Variants in KIAA1217 observed in about 807,000 individuals in gnomAD.
KIAA1217 encodes the protein sickle tail protein homolog.
A neutral mutation model predicts 163.9 loss-of-function variants in KIAA1217; 88 were observed. That is an observed-to-expected ratio of 0.54 (90% CI 0.45 to 0.64). The LOEUF (loss-of-function observed/expected upper bound fraction) is 0.64. Among genes scored for constraint, KIAA1217 ranks in the 30% least tolerant of loss-of-function variants. KIAA1217 has a pLI of 0.00. For missense variants in KIAA1217, 2,372 were observed against 2,475.0 expected (o/e 0.96, Z 0.88); for synonymous variants, 903 against 923.1 (o/e 0.98, Z 0.39).
intron 2 of KIAA1217, among the ~76,000 whole-genome samples, chr10:24,256,434 C>A (rs1401518879): frequency 6.6e-6 from 1 of 152,186 alleles, no homozygotes; most frequent in Non-Finnish European, 1.5e-5. Context: ...GCATGAAAAT[C>A]CCTGGCCCTG....
At chr10:24,538,100 A>G (rs185556635) in intron 17 of KIAA1217, among the ~76,000 whole-genome samples, 1 of 152,352 alleles carries the variant, frequency 6.6e-6, no homozygotes, top group Non-Finnish European at 1.5e-5. Context: ...AATAGCTACT[A>G]CAGATGGGTA....
intron 2 of KIAA1217, among the ~76,000 whole-genome samples, chr10:24,296,723 A>G (rs1414107646): frequency 6.6e-6 from 1 of 152,164 alleles, no homozygotes; most frequent in Non-Finnish European, 1.5e-5. Flanking sequence ...CACCTTTGAT[A>G]GTTTTTCTTT....
intron 2 of KIAA1217, chr10:24,368,720 C>T (rs1447925704): frequency 8.0e-6 from 2 of 248,820 alleles, no homozygotes; most frequent in Non-Finnish European, 1.3e-5. Context: ...ATGGTGGATC[C>T]ATTAAAGGTT....
At chr10:24,098,215 C>T (rs1164129549) in intron 2 of KIAA1217, among the ~76,000 whole-genome samples, 1 of 151,884 alleles carries the variant, frequency 6.6e-6, no homozygotes, top group Non-Finnish European at 1.5e-5. Context: ...GTGTGGGACA[C>T]GAGGAGAAAT....
chr10:23,820,740 T>C (rs1564450387), intron 1 of KIAA1217, among the ~76,000 whole-genome samples: 1 of 152,186 alleles, frequency 6.6e-6, no homozygotes, highest in Admixed American at 6.5e-5. Flanking sequence ...TTTCCTGCTG[T>C]TCCTTTGCTG....
chr10:24,422,218 T>C (rs1232200299), intron 3 of KIAA1217, among the ~76,000 whole-genome samples: 2 of 152,158 alleles, frequency 1.3e-5, no homozygotes, highest in African/African-American at 4.8e-5. Context: ...CCTCCTATGA[T>C]ATGTGGGAAT....
intron 1 of KIAA1217, among the ~76,000 whole-genome samples, chr10:23,871,684 A>C (rs148502235): frequency 1.3e-5 from 2 of 152,156 alleles, no homozygotes; most frequent in African/African-American, 2.4e-5. Context: ...ATGACTTTCT[A>C]AGTATGGGGG....
intron 1 of KIAA1217, among the ~76,000 whole-genome samples, chr10:23,970,945 A>C (rs1281135059): frequency 6.6e-6 from 1 of 152,220 alleles, no homozygotes; most frequent in Non-Finnish European, 1.5e-5. Context: ...AGTTTTACAG[A>C]AGGAGTGAAA....
chr10:24,182,471 C>CACACACAG (rs1162398362), intron 2 of KIAA1217, among the ~76,000 whole-genome samples: 2 of 151,860 alleles, frequency 1.3e-5, no homozygotes, highest in East Asian at 3.9e-4. Flanking sequence ...CACACACACA[C>CACACACAG]AGACTGTGTT....
At chr10:23,844,978 C>A (rs1476300050) in intron 1 of KIAA1217, among the ~76,000 whole-genome samples, 1 of 152,106 alleles carries the variant, frequency 6.6e-6, no homozygotes, top group Non-Finnish European at 1.5e-5. Context: ...TGAGTGAGAA[C>A]ATGTGGTGTT....
chr10:24,508,988 A>G (rs2068738964), intron 9 of KIAA1217, among the ~76,000 whole-genome samples: 1 of 152,178 alleles, frequency 6.6e-6, no homozygotes, highest in Non-Finnish European at 1.5e-5. Context: ...CAGTGTATAC[A>G]TTTGTCAAAA....
chr10:24,444,037 A>C (rs940726837), intron 5 of KIAA1217, among the ~76,000 whole-genome samples: 1 of 151,946 alleles, frequency 6.6e-6, no homozygotes, highest in African/African-American at 2.4e-5. Flanking sequence ...TCTGAGACAG[A>C]GTCTCACTCT....
chr10:24,438,263 T>C, intron 4 of KIAA1217, 123 bp from the exon 5 acceptor site: 1 of 672,802 alleles, frequency 1.5e-6, no homozygotes, highest in East Asian at 2.5e-5. Context: ...TTGACTGGCG[T>C]ACTGTAGATA....
chr10:23,883,608 C>A (rs1473421301), intron 1 of KIAA1217, among the ~76,000 whole-genome samples: 1 of 151,928 alleles, frequency 6.6e-6, no homozygotes, highest in Non-Finnish European at 1.5e-5. Flanking sequence ...TGATTAAAAT[C>A]AATGAACCTA....
intron 2 of KIAA1217, among the ~76,000 whole-genome samples, chr10:24,287,045 T>C (rs2078611329): frequency 6.6e-6 from 1 of 152,114 alleles, no homozygotes; most frequent in South Asian, 2.1e-4. Context: ...CACTTGTTTT[T>C]TGTTTTGTTT....
intron 2 of KIAA1217, among the ~76,000 whole-genome samples, chr10:24,223,938 A>G (rs959193641): frequency 1.3e-5 from 2 of 151,772 alleles, no homozygotes; most frequent in African/African-American, 4.8e-5. Flanking sequence ...TAAACATAAG[A>G]AGAATGAGAG....
chr10:24,539,031 C>T (rs1203177844), intron 17 of KIAA1217, among the ~76,000 whole-genome samples: 4 of 150,814 alleles, frequency 2.7e-5, no homozygotes, highest in African/African-American at 2.4e-5. Flanking sequence ...CGCACCCAGC[C>T]GGAAATATAT....
intron 2 of KIAA1217, among the ~76,000 whole-genome samples, chr10:24,267,208 T>A (rs1564372564): frequency 2.6e-5 from 4 of 152,218 alleles, no homozygotes; most frequent in Non-Finnish European, 5.9e-5. Flanking sequence ...TTAATTTTAT[T>A]AGGCATCTAT....
chr10:24,124,503 G>T (rs899071142), intron 2 of KIAA1217, among the ~76,000 whole-genome samples: 2 of 152,018 alleles, frequency 1.3e-5, no homozygotes, highest in African/African-American at 4.8e-5. Flanking sequence ...TTGATAACAG[G>T]CATCCTGTCT....
Sources: allele counts gnomAD v4.1 joint callset (sites outside exome capture counted in the v4.1 genomes callset), GRCh38; gene constraint gnomAD v4.1.1; transcripts MANE v1.5; gene names NCBI Gene and HGNC (gene_info 2026-07-23, HGNC 2026-07-21).